Variants in ITPR2 observed in about 807,000 individuals in gnomAD.
ITPR2 encodes inositol 1,4,5-trisphosphate-gated calcium channel ITPR2.
Under a neutral mutation model 317.1 loss-of-function variants are expected in ITPR2, and 207 were observed. The ratio of observed to expected loss-of-function variants is 0.65; its 90% CI spans 0.58 to 0.73. ITPR2 has a LOEUF of 0.73. Ranked by LOEUF, ITPR2 falls within the 30% of genes least tolerant of loss-of-function variation. ITPR2 has a pLI of 0.00. For synonymous variants in ITPR2, 1,156 were observed against 1,149.1 expected, an observed-to-expected ratio of 1.01 and a Z score of -0.12; for missense variants, 2,613 against 3,284.0, an observed-to-expected ratio of 0.80 and a Z score of 4.99.
chr12:26,716,989 A>G (rs545644091), intron 5 of ITPR2, among the ~76,000 whole-genome samples: 2 of 152,308 alleles, frequency 1.3e-5, no homozygotes, highest in South Asian at 4.1e-4. Context: ...ATTTTTATTC[A>G]TAACTCAAAT....
intron 30 of ITPR2, 71 bp downstream of exon 30, chr12:26,599,074 A>G: frequency 7.5e-7 from 1 of 1,330,698 alleles, no homozygotes; most frequent in South Asian, 1.2e-5. Context: ...GGGCTTTTTC[A>G]CTGTAATAGA....
At chr12:26,492,312 T>G (rs1193170339) in intron 39 of ITPR2, among the ~76,000 whole-genome samples, 1 of 152,190 alleles carries the variant, frequency 6.6e-6, no homozygotes, top group Non-Finnish European at 1.5e-5. Flanking sequence ...GGGAGCTGGC[T>G]TATTCCCCAG....
At chr12:26,711,346 T>C (rs1948639295) in intron 8 of ITPR2, 78 bp from the exon 9 acceptor site, 1 of 946,266 alleles carries the variant, frequency 1.1e-6, no homozygotes, top group African/African-American at 1.6e-5. Context: ...TTTACATGCC[T>C]GCCCTCCTGT....
intron 50 of ITPR2, among the ~76,000 whole-genome samples, chr12:26,417,313 A>G (rs1020000578): frequency 1.3e-5 from 2 of 152,190 alleles, no homozygotes; most frequent in African/African-American, 2.4e-5. Flanking sequence ...ACAATTAGAA[A>G]ATGGGGTTAA....
intron 34 of ITPR2, among the ~76,000 whole-genome samples, chr12:26,575,000 G>A (rs912127278): frequency 6.6e-5 from 10 of 151,688 alleles, no homozygotes; most frequent in East Asian, 1.9e-4. Context: ...GGGGACAGAC[G>A]TCTAAACCAT....
chr12:26,340,148 T>C lies in ITPR2; in HGVS notation c.8019+19A>G. On this transcript the variant is annotated intron_variant, in intron 56 of 56. Transcript: ENST00000381340. Reference sequence around the variant, plus strand: ...AATGACTTTATCCCACCCAGCCCCATCTCCCTGAATGCACCCACCTGCTCC... The same window carrying C: ...AATGACTTTATCCCACCCAGCCCCACCTCCCTGAATGCACCCACCTGCTCC... 6.3e-7 allele frequency: 1 copy of C among 1,579,504 alleles called. No individual in the cohort carries two copies. The highest frequency in any genetic ancestry group is 8.6e-7 in the Non-Finnish European group (1 of 1,162,378).
At chr12:26,474,839 T>C (rs1354449221) in intron 45 of ITPR2, among the ~76,000 whole-genome samples, 3 of 150,188 alleles carry the variant, frequency 2.0e-5, no homozygotes, top group Non-Finnish European at 4.4e-5. Context: ...AGCCTCACAC[T>C]TCCAATCAGA....
chr12:26,784,657 A>C (rs1234559334), intron 2 of ITPR2, among the ~76,000 whole-genome samples: 10 of 151,458 alleles, frequency 6.6e-5, no homozygotes, highest in Admixed American at 6.6e-5. Flanking sequence ...AATGGTGCCC[A>C]GGCTGGAGTG....
chr12:26,497,397 G>T (rs997002298), intron 37 of ITPR2, among the ~76,000 whole-genome samples: 2 of 67,770 alleles, frequency 3.0e-5, no homozygotes, highest in Non-Finnish European at 7.6e-5. Context: ...CTCCTGATCC[G>T]CCTGCCTCGG....
At position 26,645,869 on chromosome 12, in the gene ITPR2, C is replaced by G. The variant is rs550735999; in HGVS notation, c.2740+8107G>C. Among the ~76,000 whole-genome samples, 7 of 152,122 alleles carry G rather than the reference C, an allele frequency of 4.6e-5. 1 individual carries two copies. In the South Asian group the frequency reaches 1.0e-3, roughly 23 times the overall value. ...TTTGGTTTTGATCCTTATACTAAAC[C>G]CTTTTCTATTCTTTCTGATCCCCCA... On this transcript the variant is annotated intron_variant, in intron 21 of 56. Coordinates refer to ENST00000381340, the MANE Select transcript of ITPR2 (RefSeq NM_002223.4).
In ITPR2 at chr12:26,649,773, CTAGATAGATAGATAGATAGA is replaced by C. The variant is rs71069259; in HGVS notation, c.2740+4183_2740+4202del. ...TATCAGATGTTACAGGATAGATAGACTAGATAGATAGATAGATAGATAGATAGATAGATAGATAGATAGAT... is the reference window on the plus strand; with the variant it reads ...TATCAGATGTTACAGGATAGATAGACTAGATAGATAGATAGATAGATAGAT... On this transcript the variant is annotated intron_variant, in intron 21 of 56. Coordinates refer to ENST00000381340, the MANE Select transcript of ITPR2 (RefSeq NM_002223.4). Among the ~76,000 whole-genome samples, 270 of 147,502 alleles carry C rather than the reference CTAGATAGATAGATAGATAGA, an allele frequency of 1.8e-3. 1 individual carries two copies. The highest frequency in any genetic ancestry group is 4.0e-3 in the African/African-American group (159 of 40,108).
chr12:26,700,378 G>A (rs1289997007), intron 9 of ITPR2, among the ~76,000 whole-genome samples: 2 of 152,224 alleles, frequency 1.3e-5, no homozygotes, highest in African/African-American at 2.4e-5. Flanking sequence ...AGACCCACCA[G>A]TGTCACTTAC....
At chr12:26,772,534 AC>A (rs1290178490) in intron 2 of ITPR2, among the ~76,000 whole-genome samples, 3 of 138,002 alleles carry the variant, frequency 2.2e-5, no homozygotes, top group South Asian at 2.1e-4. Context: ...TATATATAAT[AC>A]ATGTATTATA....
At chr12:26,680,368 T>A (rs912681117) in intron 13 of ITPR2, among the ~76,000 whole-genome samples, 1 of 152,138 alleles carries the variant, frequency 6.6e-6, no homozygotes, top group African/African-American at 2.4e-5. Flanking sequence ...TTTGGTGAGT[T>A]TTTTCATTAA....
chr12:26,594,662 T>G (rs1355874886), intron 32 of ITPR2, among the ~76,000 whole-genome samples: 2 of 152,110 alleles, frequency 1.3e-5, no homozygotes, highest in African/African-American at 4.8e-5. Flanking sequence ...GAAACTTTAT[T>G]TGAACTTCAA....
At position 26,336,092 on chromosome 12, in the gene ITPR2, A is replaced by T. The variant is rs1021195905; in HGVS notation, c.*3305T>A. 1.3e-5 allele frequency among the ~76,000 whole-genome samples: 2 copies of T among 152,096 alleles called. No homozygotes were observed. The highest frequency in any genetic ancestry group is 1.5e-5 in the Non-Finnish European group (1 of 68,022). ...TGCAATATTTACTTGCTTACGTCCAATCTACTGGGTCCCTGAAGAATAAGC... is the reference window on the plus strand; with the variant it reads ...TGCAATATTTACTTGCTTACGTCCATTCTACTGGGTCCCTGAAGAATAAGC... On this transcript the variant is annotated 3_prime_UTR_variant, in exon 57 of 57. Transcript: ENST00000381340.
chr12:26,386,096 C>T (rs935287643), intron 55 of ITPR2, among the ~76,000 whole-genome samples: 2 of 151,888 alleles, frequency 1.3e-5, no homozygotes, highest in African/African-American at 4.8e-5. Context: ...ATGTGAGGTC[C>T]CATTTTAAAT....
chr12:26,441,375 T>C (rs1374377182), intron 46 of ITPR2, among the ~76,000 whole-genome samples: 1 of 151,998 alleles, frequency 6.6e-6, no homozygotes, highest in Non-Finnish European at 1.5e-5. Context: ...GTTGTGGTTA[T>C]GTTCAAGGCA....
At position 26,704,099 on chromosome 12, in the gene ITPR2, C is replaced by T. The variant is rs952399340; in HGVS notation, c.951+7074G>A. Among the ~76,000 whole-genome samples the T allele has an allele frequency of 2.7e-4, 41 of 152,086 alleles. 1 individual carries two copies. The highest frequency in any genetic ancestry group is 1.9e-3 in the Admixed American group (29 of 15,262). ...TAAAATGCTCAATGAACTCTAACTG[C>T]GCTATATTATTTAAAAGACCACAAT... On this transcript the variant is annotated intron_variant, in intron 9 of 56. Coordinates refer to ENST00000381340, the MANE Select transcript of ITPR2 (RefSeq NM_002223.4).
Sources: gnomAD v4.1 joint callset for allele counts (sites outside exome capture counted in the v4.1 genomes callset) on GRCh38, gnomAD v4.1.1 for gene constraint, MANE v1.5 for transcripts, NCBI Gene and HGNC (gene_info 2026-07-23, HGNC 2026-07-21) for gene names.